PTBP3: variants seen among roughly 807,000 people sequenced by gnomAD.
The protein encoded by PTBP3 is polypyrimidine tract-binding protein 3.
In PTBP3, 20 loss-of-function variants were observed where a neutral mutation model predicts 58.7. The ratio of observed to expected loss-of-function variants is 0.34; its 90% CI spans 0.24 to 0.50. The LOEUF is 0.50. Ranked by LOEUF, PTBP3 falls within the 20% of genes least tolerant of loss-of-function variation. The pLI is 0.98. For missense variants in PTBP3, 509 were observed against 637.2 expected (o/e 0.80, Z 2.17); for synonymous variants, 185 against 219.8 (o/e 0.84, Z 1.40).
chr9:112,220,095 T>G lies in PTBP3; in HGVS notation c.*3756A>C. ...AAATGCTTTACGCATCGTCACGCTG[T>G]CTCTTTTTGGTTTTAAAAATAGCAG... On this transcript the variant is annotated 3_prime_UTR_variant, in exon 14 of 14. Transcript: ENST00000374257. 8.2e-7 allele frequency: 1 copy of G among 1,224,640 alleles called. No homozygotes were observed. Among genetic ancestry groups the G allele is most frequent in the Non-Finnish European group, 1.0e-6 (1 of 956,428 alleles). 75.9% of individuals were successfully genotyped at this position (1,224,640 alleles called of 1,614,324 possible). A position where few individuals can be genotyped will look rare whatever the true frequency, so the allele number is the denominator to read the frequency against.
chr9:112,337,140 C>T (rs1036792340), upstream of PTBP3, among the ~76,000 whole-genome samples: 18 of 152,216 alleles, frequency 1.2e-4, no homozygotes, highest in African/African-American at 4.3e-4. Context: ...AGCAATTCTC[C>T]TGCCTTAGCC....
chr9:112,304,115 C>T (rs975266662), intron 1 of PTBP3, among the ~76,000 whole-genome samples: 17 of 152,002 alleles, frequency 1.1e-4, no homozygotes, highest in African/African-American at 4.1e-4. Context: ...TGCAGTGAGC[C>T]GAGATTACAC....
At chr9:112,256,846 T>G (rs895524007) in intron 5 of PTBP3, among the ~76,000 whole-genome samples, 1 of 86,978 alleles carries the variant, frequency 1.1e-5, no homozygotes, top group Admixed American at 1.3e-4. Context: ...TTTTTTTCCC[T>G]TTTTTTAAAG....
intron 2 of PTBP3, among the ~76,000 whole-genome samples, chr9:112,295,389 C>A (rs1024017244): frequency 6.8e-6 from 1 of 147,650 alleles, no homozygotes; most frequent in Non-Finnish European, 1.5e-5. Context: ...ATCTAAGAAG[C>A]TGGAACACCC....
At chr9:112,303,362 T>C (rs4336673) in intron 1 of PTBP3, among the ~76,000 whole-genome samples, 127,490 of 151,796 alleles carry the variant, frequency 0.84, 53,827 homozygotes, top group African/African-American at 0.92. Context: ...TGTTAGTTCA[T>C]TAACATGATA....
At chr9:112,282,103 T>G (rs534751263) in intron 2 of PTBP3, among the ~76,000 whole-genome samples, 1 of 152,180 alleles carries the variant, frequency 6.6e-6, no homozygotes, top group Non-Finnish European at 1.5e-5. Flanking sequence ...ACCTTCATCA[T>G]GTAATCTAAA....
the PTBP3 span, among the ~76,000 whole-genome samples, chr9:112,370,617 G>C: frequency 0.95 from 144,953 of 152,318 alleles, 69,030 homozygotes; most frequent in African/African-American, 0.99. Context: ...TATTGGGGAT[G>C]TCTCACAAGT....
intron 2 of PTBP3, among the ~76,000 whole-genome samples, chr9:112,295,066 C>G (rs2132300603): frequency 6.6e-6 from 1 of 152,056 alleles, no homozygotes; most frequent in African/African-American, 2.4e-5. Context: ...ATGGTGAAAC[C>G]CTGTCTCTAC....
At chr9:112,349,991 G>A in the PTBP3 span, among the ~76,000 whole-genome samples, 2 of 151,614 alleles carry the variant, frequency 1.3e-5, no homozygotes, top group African/African-American at 4.8e-5. Flanking sequence ...GAAGTGGTCT[G>A]TGTTTTATGA....
chr9:112,258,813 C>T (rs1490468379), intron 5 of PTBP3, among the ~76,000 whole-genome samples: 1 of 152,202 alleles, frequency 6.6e-6, no homozygotes, highest in Non-Finnish European at 1.5e-5. Context: ...TAAGGCCAGT[C>T]TGGGTAACAT....
intron 2 of PTBP3, among the ~76,000 whole-genome samples, chr9:112,288,145 T>C (rs1423424057): frequency 6.6e-6 from 1 of 152,234 alleles, no homozygotes; most frequent in African/African-American, 2.4e-5. Context: ...TTTGCCTTCA[T>C]GCTGGAGCTA....
rs1210238421 is a variant in PTBP3 at position 112,262,546 on chromosome 9, G to C, written c.405C>G (p.Ala135=). 6.2e-7 allele frequency: 1 copy of C among 1,611,890 alleles called. No individual in the cohort carries two copies. Among genetic ancestry groups the C allele is most frequent in the Admixed American group, 1.7e-5 (1 of 59,554 alleles). Residue 135 remains alanine, a synonymous_variant, in exon 5 of 14, where the codon GCC becomes GCG. Coordinates refer to ENST00000374257, the MANE Select transcript of PTBP3 (RefSeq NM_001163788.4). ...AVSAVQSGSL[A]LSGGPSNEGT... Reference sequence around the variant, plus strand: ...CTTCATTGGAAGGACCTCCAGAAAGGGCCAGGCTTCCTGATTGGACGGCAC... The same window carrying C: ...CTTCATTGGAAGGACCTCCAGAAAGCGCCAGGCTTCCTGATTGGACGGCAC...
chr9:112,234,976 G>C (rs959647816), intron 7 of PTBP3, 79 bp from the exon 8 acceptor site: 13 of 1,167,724 alleles, frequency 1.1e-5, no homozygotes, highest in Non-Finnish European at 1.4e-5. Flanking sequence ...ATGGCTCTAT[G>C]AAAGTATATT....
intron 1 of PTBP3, among the ~76,000 whole-genome samples, chr9:112,305,882 G>A (rs370203104): frequency 1.7e-3 from 265 of 152,282 alleles, no homozygotes; most frequent in African/African-American, 5.9e-3. Flanking sequence ...GGAGCTTGCA[G>A]TGAGCCGAGA....
chr9:112,249,457 T>C (rs1589821700), intron 7 of PTBP3, among the ~76,000 whole-genome samples: 1 of 151,306 alleles, frequency 6.6e-6, no homozygotes, highest in East Asian at 1.9e-4. Context: ...GTAAGGAGAG[T>C]GGTGTTTCAG....
the PTBP3 span, among the ~76,000 whole-genome samples, chr9:112,343,301 C>G: frequency 7.2e-3 from 1,096 of 151,748 alleles, 9 homozygotes; most frequent in Middle Eastern, 0.017. Context: ...CTCTGCCTCC[C>G]GGGTTCAAGT....
At chr9:112,352,510 A>C in the PTBP3 span, among the ~76,000 whole-genome samples, 10 of 152,198 alleles carry the variant, frequency 6.6e-5, no homozygotes, top group Admixed American at 2.6e-4. Context: ...AAATAAATAA[A>C]AATGCAAGAT....
At chr9:112,373,342 G>C in the PTBP3 span, among the ~76,000 whole-genome samples, 1 of 152,184 alleles carries the variant, frequency 6.6e-6, no homozygotes, top group Non-Finnish European at 1.5e-5. Flanking sequence ...ATCCAGCTTG[G>C]GAGAAAGATG....
At chr9:112,245,751 G>T (rs7852473) in intron 7 of PTBP3, among the ~76,000 whole-genome samples, 3 of 152,006 alleles carry the variant, frequency 2.0e-5, no homozygotes, top group Non-Finnish European at 4.4e-5. Context: ...CCAATTATGA[G>T]GGTGGCATGT....
Sources: gnomAD v4.1 joint callset for allele counts (sites outside exome capture counted in the v4.1 genomes callset) on GRCh38, gnomAD v4.1.1 for gene constraint, MANE v1.5 for transcripts, NCBI Gene and HGNC (gene_info 2026-07-23, HGNC 2026-07-21) for gene names.